The following RCAN2 variants were observed in gnomAD, a reference collection of about 807,000 sequenced individuals.
RCAN2 encodes regulator of calcineurin 2.
RCAN2 carries 9 observed loss-of-function variants against 23.6 expected under a neutral mutation model. The observed-to-expected ratio is 0.38, with a 90% confidence interval of 0.23 to 0.67. The LOEUF (loss-of-function observed/expected upper bound fraction) is 0.67, where lower values mean the gene tolerates loss of function less well. Among genes scored for constraint, RCAN2 ranks in the 30% least tolerant of loss-of-function variants. RCAN2 has a pLI of 0.51. For synonymous variants in RCAN2, 109 were observed against 115.7 expected (o/e 0.94, Z 0.37); for missense variants, 273 against 302.3 (o/e 0.90, Z 0.72).
At chr6:46,343,728 C>A (rs965639067) in intron 2 of RCAN2, among the ~76,000 whole-genome samples, 6 of 151,990 alleles carry the variant, frequency 3.9e-5, no homozygotes, top group Non-Finnish European at 7.4e-5. Flanking sequence ...TAACATATGA[C>A]CCAGGAATTC....
In RCAN2 at chr6:46,326,485, G is replaced by A. The variant is rs56788826; in HGVS notation, c.226-77589C>T. ...CTGATTATAAATCCCTGAGGGGCAA[G>A]GCCACAGATGATTTACCTTTATATC... is the stretch of plus-strand genomic sequence containing the variant. On this transcript the variant is annotated intron_variant, in intron 2 of 4. Coordinates refer to ENST00000371374, the MANE Select transcript of RCAN2 (RefSeq NM_001251974.2). Among the ~76,000 whole-genome samples the A allele has an allele frequency of 4.4e-3, 671 of 152,254 alleles. 5 individuals are homozygous for A. The highest frequency in any genetic ancestry group is 0.016 in the African/African-American group (650 of 41,528).
At chr6:46,436,675 T>A (rs957385061) in intron 2 of RCAN2, among the ~76,000 whole-genome samples, 1 of 152,220 alleles carries the variant, frequency 6.6e-6, no homozygotes, top group Non-Finnish European at 1.5e-5. Context: ...TACTGTTACT[T>A]GATGCTGTTT....
chr6:46,421,604 C>T (rs1194219550), intron 2 of RCAN2, among the ~76,000 whole-genome samples: 1 of 152,178 alleles, frequency 6.6e-6, no homozygotes, highest in East Asian at 1.9e-4. Flanking sequence ...CTGCCAATGT[C>T]CTTTCTTCCA....
At chr6:46,333,125 T>G (rs138711490) in intron 2 of RCAN2, among the ~76,000 whole-genome samples, 15 of 152,350 alleles carry the variant, frequency 9.8e-5, no homozygotes, top group Admixed American at 6.5e-4. Flanking sequence ...AAGTGTCTGT[T>G]CATGTCCTGT....
At chr6:46,422,181 T>A (rs1527703) in intron 2 of RCAN2, among the ~76,000 whole-genome samples, 1 of 151,874 alleles carries the variant, frequency 6.6e-6, no homozygotes, top group Non-Finnish European at 1.5e-5. Flanking sequence ...GAGTTCTCAC[T>A]GTTAGTTCCT....
At chr6:46,402,988 G>A (rs183016638) in intron 2 of RCAN2, among the ~76,000 whole-genome samples, 6 of 150,166 alleles carry the variant, frequency 4.0e-5, no homozygotes, top group East Asian at 3.9e-4. Flanking sequence ...TTTTTGAGAC[G>A]GAGTCTCGCT....
At chr6:46,345,511 C>T (rs1764456462) in intron 2 of RCAN2, among the ~76,000 whole-genome samples, 1 of 151,998 alleles carries the variant, frequency 6.6e-6, no homozygotes, top group South Asian at 2.1e-4. Context: ...GACTATAAAA[C>T]GAGTCTCAGA....
At chr6:46,332,969 C>T (rs148040058) in intron 2 of RCAN2, among the ~76,000 whole-genome samples, 5,157 of 152,192 alleles carry the variant, frequency 0.034, 269 homozygotes, top group African/African-American at 0.11. Context: ...CTCCAGCACA[C>T]GTTGTTTCCT....
intron 2 of RCAN2, among the ~76,000 whole-genome samples, chr6:46,303,301 G>A (rs1421177570): frequency 6.6e-6 from 1 of 152,018 alleles, no homozygotes; most frequent in Admixed American, 6.6e-5. Flanking sequence ...GGAGGGGCAT[G>A]AGATATCCTC....
At chr6:46,397,372 A>AACAC (rs58494804) in intron 2 of RCAN2, among the ~76,000 whole-genome samples, 40,499 of 146,018 alleles carry the variant, frequency 0.28, 6,430 homozygotes, top group East Asian at 0.54. Flanking sequence ...ATTTCACAGA[A>AACAC]ACACACACAC....
At chr6:46,254,004 T>C (rs1766823058) in intron 2 of RCAN2, among the ~76,000 whole-genome samples, 1 of 152,188 alleles carries the variant, frequency 6.6e-6, no homozygotes. Context: ...CGAAATCACC[T>C]AAGGACACAT....
At chr6:46,277,193 C>A (rs1482051313) in intron 2 of RCAN2, among the ~76,000 whole-genome samples, 1 of 152,178 alleles carries the variant, frequency 6.6e-6, no homozygotes, top group Non-Finnish European at 1.5e-5. Context: ...TGTTGGTTTT[C>A]TATTTGTACA....
intron 2 of RCAN2, among the ~76,000 whole-genome samples, chr6:46,412,897 C>T (rs1410618816): frequency 6.6e-6 from 1 of 152,104 alleles, no homozygotes; most frequent in African/African-American, 2.4e-5. Context: ...GTGGGTAAAC[C>T]AGGATATAAT....
At chr6:46,411,031 G>T (rs1334888576) in intron 2 of RCAN2, among the ~76,000 whole-genome samples, 1 of 152,144 alleles carries the variant, frequency 6.6e-6, no homozygotes, top group Non-Finnish European at 1.5e-5. Context: ...CTTCAAAAGT[G>T]CTCACTTATT....
intron 2 of RCAN2, among the ~76,000 whole-genome samples, chr6:46,298,404 C>T (rs562297520): frequency 6.6e-6 from 1 of 152,098 alleles, no homozygotes; most frequent in South Asian, 2.1e-4. Flanking sequence ...ATTGAGCAAA[C>T]CAGGTATCAC....
intron 2 of RCAN2, among the ~76,000 whole-genome samples, chr6:46,397,930 A>G (rs1224374719): frequency 1.3e-5 from 2 of 152,214 alleles, no homozygotes; most frequent in Non-Finnish European, 2.9e-5. Context: ...ACAGGTAAAT[A>G]GACTTATTTA....
intron 2 of RCAN2, among the ~76,000 whole-genome samples, chr6:46,346,157 A>G (rs933635363): frequency 3.9e-5 from 6 of 152,156 alleles, no homozygotes; most frequent in African/African-American, 1.4e-4. Context: ...AGAAATCTAA[A>G]AGGAAATTTT....
intron 4 of RCAN2, among the ~76,000 whole-genome samples, chr6:46,240,144 C>T (rs986388221): frequency 6.6e-6 from 1 of 152,162 alleles, no homozygotes; most frequent in African/African-American, 2.4e-5. Context: ...CCTGTTCTCC[C>T]TTGCCCCATA....
chr6:46,283,148 A>G (rs765701981), intron 2 of RCAN2, among the ~76,000 whole-genome samples: 1 of 152,116 alleles, frequency 6.6e-6, no homozygotes, highest in Non-Finnish European at 1.5e-5. Flanking sequence ...AAGGATATTT[A>G]CCAATATAAA....
Sources: gnomAD v4.1 joint callset for allele counts (sites outside exome capture counted in the v4.1 genomes callset) on GRCh38, gnomAD v4.1.1 for gene constraint, MANE v1.5 for transcripts, NCBI Gene and HGNC (gene_info 2026-07-23, HGNC 2026-07-21) for gene names.